DENND2B: variants seen among roughly 807,000 people sequenced by gnomAD.
DENND2B encodes DENN domain containing 2B.
In DENND2B, 32 loss-of-function variants were observed where a neutral mutation model predicts 116.0. The ratio of observed to expected loss-of-function variants is 0.28; its 90% CI spans 0.21 to 0.37. DENND2B has a LOEUF of 0.37. DENND2B is among the 10% of genes least tolerant of loss of function. The pLI is 1.00. For synonymous variants in DENND2B, 588 were observed against 583.9 expected (o/e 1.01, Z -0.10); for missense variants, 1,276 against 1,477.7 (o/e 0.86, Z 2.24).
In DENND2B at chr11:8,715,636, C is replaced by T. The variant is rs745612639; in HGVS notation, c.1812G>A (p.Leu604=). 6.2e-6 allele frequency: 10 copies of T among 1,613,454 alleles called. No individual in the cohort carries two copies. The highest frequency in any genetic ancestry group is 8.5e-6 in the Non-Finnish European group (10 of 1,179,694). The change falls in exon 6 of 20, where the codon CTG becomes CTA. Residue 604 remains leucine, a synonymous_variant. Coordinates refer to ENST00000313726, the MANE Select transcript of DENND2B (RefSeq NM_213618.2). The part of the protein sequence containing the change: ...NEDSLSTTSE[L]LSSRRARRIP... ...TGCGGCGGGCCCGGCGGCTGGACAG[C>T]AGCTCGCTGGTGGTGCTGAGGCTGT...
chr11:8,749,410 G>C (rs1209810304), intron 2 of DENND2B, among the ~76,000 whole-genome samples: 3 of 152,242 alleles, frequency 2.0e-5, no homozygotes, highest in Admixed American at 1.3e-4. Context: ...CAAGTGGATA[G>C]TCAGTTTGCT....
At chr11:8,892,808 T>C (rs963521904) in intron 1 of DENND2B, among the ~76,000 whole-genome samples, 5 of 152,226 alleles carry the variant, frequency 3.3e-5, no homozygotes, top group African/African-American at 1.2e-4. Flanking sequence ...AGTCGAATTC[T>C]ACCAGAGGTA....
intron 2 of DENND2B, among the ~76,000 whole-genome samples, chr11:8,869,058 T>C (rs578105810): frequency 6.6e-6 from 1 of 152,340 alleles, no homozygotes; most frequent in East Asian, 1.9e-4. Flanking sequence ...CGATTCTTCT[T>C]CCAGTGTGAC....
Position 8,714,721 on chromosome 11 carries a change from C to T in DENND2B, c.1846-15G>A, listed in dbSNP as rs1249704105. On this transcript the variant is annotated splice_polypyrimidine_tract_variant and intron_variant, in intron 6 of 19. Transcript: ENST00000313726. ...CTTTGGACAAGCTGGGTGAGAAAAG[C>T]AGGATGGGTGAGGTAACCTTAACAC... 6.2e-7 allele frequency: 1 copy of T among 1,611,714 alleles called. No individual in the cohort carries two copies. The highest frequency in any genetic ancestry group is 8.5e-7 in the Non-Finnish European group (1 of 1,178,080).
chr11:8,758,742 C>T (rs1016328225), intron 1 of DENND2B, among the ~76,000 whole-genome samples: 3 of 152,152 alleles, frequency 2.0e-5, no homozygotes, highest in African/African-American at 4.8e-5. Context: ...TTAGATGCCG[C>T]GGCTCCCTCC....
intron 4 of DENND2B, among the ~76,000 whole-genome samples, chr11:8,821,321 G>A (rs1258199753): frequency 2.6e-5 from 4 of 151,304 alleles, no homozygotes; most frequent in African/African-American, 9.7e-5. Flanking sequence ...TAACTAGCTG[G>A]CTCACACCAG....
At chr11:8,770,781 C>G (rs1565908617) in intron 1 of DENND2B, among the ~76,000 whole-genome samples, 1 of 152,158 alleles carries the variant, frequency 6.6e-6, no homozygotes. Flanking sequence ...GCCCTGAACT[C>G]CTGGCTAAAA....
chr11:8,705,110 C>T (rs1323974242), intron 13 of DENND2B, among the ~76,000 whole-genome samples: 7 of 152,136 alleles, frequency 4.6e-5, no homozygotes, highest in Non-Finnish European at 1.0e-4. Context: ...TGGAGCCTAA[C>T]ACCCACATCT....
At chr11:8,793,182 T>G (rs544125080) in intron 1 of DENND2B, among the ~76,000 whole-genome samples, 1 of 152,352 alleles carries the variant, frequency 6.6e-6, no homozygotes, top group South Asian at 2.1e-4. Flanking sequence ...AATCTTTTCT[T>G]TCCATTTTTT....
Position 8,907,396 on chromosome 11 carries a change from C to A in DENND2B, c.-256+3425G>T, listed in dbSNP as rs113843783. Among the ~76,000 whole-genome samples the A allele has an allele frequency of 7.6e-4, 115 of 152,230 alleles. 1 individual carries two copies. The highest frequency in any genetic ancestry group is 2.7e-3 in the African/African-American group (111 of 41,522). On this transcript the variant is annotated intron_variant, in intron 1 of 22. Transcript: ENST00000534127. ...GTAGGTCATGTTCTATCATTATTCCCAGCCAATCTTAAAAAAGATAAAAAG... is the reference window on the plus strand; with the variant it reads ...GTAGGTCATGTTCTATCATTATTCCAAGCCAATCTTAAAAAAGATAAAAAG...
intron 4 of DENND2B, among the ~76,000 whole-genome samples, chr11:8,835,266 T>C (rs2062374881): frequency 6.6e-6 from 1 of 152,020 alleles, no homozygotes; most frequent in South Asian, 2.1e-4. Context: ...TAAATAATAA[T>C]TTTTACGTGT....
At chr11:8,906,915 G>A (rs962295968) in intron 1 of DENND2B, among the ~76,000 whole-genome samples, 2 of 152,122 alleles carry the variant, frequency 1.3e-5, no homozygotes, top group African/African-American at 4.8e-5. Context: ...TACAGTTTCT[G>A]GTATGTACAG....
At chr11:8,803,514 C>G (rs1160662373) in intron 1 of DENND2B, among the ~76,000 whole-genome samples, 1 of 152,214 alleles carries the variant, frequency 6.6e-6, no homozygotes, top group Non-Finnish European at 1.5e-5. Flanking sequence ...AGAGACAGAA[C>G]CAGAACTAAC....
intron 1 of DENND2B, among the ~76,000 whole-genome samples, chr11:8,769,434 A>G (rs1231426421): frequency 1.3e-5 from 2 of 151,858 alleles, no homozygotes; most frequent in Non-Finnish European, 2.9e-5. Flanking sequence ...CAATTTTTGT[A>G]TTTTTAGTAG....
intron 1 of DENND2B, chr11:8,774,422 A>T (rs2057347516): frequency 1.4e-6 from 1 of 727,344 alleles, no homozygotes; most frequent in Non-Finnish European, 1.7e-6. Context: ...TGTCACTGCC[A>T]TTAGCTGAAT....
chr11:8,716,033 A>C (rs2044696923), intron 5 of DENND2B, among the ~76,000 whole-genome samples: 1 of 152,226 alleles, frequency 6.6e-6, no homozygotes, highest in Admixed American at 6.5e-5. Context: ...AAGCTTCACT[A>C]CTGCCAGCAA....
In DENND2B at chr11:8,776,156, GCGCGCA is replaced by G. The variant is rs1313663756; in HGVS notation, c.-25-25437_-25-25432del. 4.4e-5 allele frequency: 14 copies of G among 318,394 alleles called. No homozygotes were observed. The East Asian group carries it at 6.5e-4, about 15-fold the overall frequency. The allele number at this position is 318,394 out of a possible 1,614,324, so 19.7% of individuals were successfully genotyped here. On this transcript the variant is annotated intron_variant, in intron 1 of 19. Coordinates refer to ENST00000313726, the MANE Select transcript of DENND2B (RefSeq NM_213618.2). ...GACACGCACGTGCGCGCACGCGCGC[GCGCGCA>G]CACACACACACACACACACACACAC... is the stretch of plus-strand genomic sequence containing the variant.
intron 16 of DENND2B, 166 bp from the exon 17 acceptor site, chr11:8,697,802 G>A: frequency 3.2e-6 from 2 of 628,438 alleles, no homozygotes; most frequent in Non-Finnish European, 5.7e-6. Context: ...AGCACAGAAA[G>A]GTTAAGAAAC....
intron 1 of DENND2B, among the ~76,000 whole-genome samples, chr11:8,762,848 G>C (rs984027264): frequency 6.6e-6 from 1 of 152,144 alleles, no homozygotes; most frequent in Non-Finnish European, 1.5e-5. Flanking sequence ...CAACAAGAGC[G>C]AAACTGCATC....
Sources: allele counts gnomAD v4.1 joint callset (sites outside exome capture counted in the v4.1 genomes callset), GRCh38; gene constraint gnomAD v4.1.1; transcripts MANE v1.5; gene names NCBI Gene and HGNC (gene_info 2026-07-23, HGNC 2026-07-21).